The following PITRM1 variants were observed in gnomAD, a reference collection of about 807,000 sequenced individuals.
PITRM1 encodes the protein presequence protease, mitochondrial.
In PITRM1, 100 loss-of-function variants were observed where a neutral mutation model predicts 129.9. The ratio of observed to expected loss-of-function variants is 0.77; its 90% CI spans 0.65 to 0.91. The LOEUF is 0.91. PITRM1 is among the 40% of genes least tolerant of loss of function. The pLI is 0.00. For missense variants in PITRM1, 1,471 were observed against 1,318.3 expected, an observed-to-expected ratio of 1.12 and a Z score of -1.79; for synonymous variants, 591 against 508.8, an observed-to-expected ratio of 1.16 and a Z score of -2.17.
At chr10:3,142,548 G>GT (rs1840354201) in intron 23 of PITRM1, among the ~76,000 whole-genome samples, 1 of 152,274 alleles carries the variant, frequency 6.6e-6, no homozygotes. Flanking sequence ...GTGCACGTCT[G>GT]TGAGTCTGTC....
intron 14 of PITRM1, among the ~76,000 whole-genome samples, chr10:3,155,260 G>A (rs1399885991): frequency 6.6e-6 from 1 of 152,142 alleles, no homozygotes; most frequent in African/African-American, 2.4e-5. Flanking sequence ...GCTCTCAACT[G>A]TCCACTCTGC....
chr10:3,151,219 C>T (rs912481326), intron 15 of PITRM1, 28 bp downstream of exon 15: 5 of 1,270,522 alleles, frequency 3.9e-6, no homozygotes, highest in Non-Finnish European at 5.7e-6. Context: ...AACCCGAGAC[C>T]CGGGAAAAGC....
At chr10:3,150,329 G>T (rs1841384599) in intron 15 of PITRM1, among the ~76,000 whole-genome samples, 1 of 152,196 alleles carries the variant, frequency 6.6e-6, no homozygotes, top group South Asian at 2.1e-4. Context: ...AACACTTAAT[G>T]AGATTCACGG....
Position 3,160,248 on chromosome 10 carries a change from C to T in PITRM1, c.874G>A (p.Glu292Lys), listed in dbSNP as rs1842335720. Residue 292 changes from glutamate (E) to lysine (K), a missense_variant, in exon 8 of 27, where the codon GAA becomes AAA. Coordinates refer to ENST00000224949, the MANE Select transcript of PITRM1 (RefSeq NM_014889.4). ...EEALSKFQKI[E>K]PSTVVPAQTP... ...TGAGCTGGCACCACGGTGCTTGGTT[C>T]AATTTTCTGGAATTTGCTCAGTGCT... 1.2e-6 allele frequency: 2 copies of T among 1,613,798 alleles called. No individual in the cohort carries two copies. The highest frequency in any genetic ancestry group is 2.2e-5 in the South Asian group (2 of 91,052).
chr10:3,143,617 C>T lies in PITRM1; in HGVS notation c.2533-116G>A, dbSNP rs193119868. 1,064 of 745,036 alleles carry T rather than the reference C, an allele frequency of 1.4e-3. 4 individuals are homozygous for T. Among genetic ancestry groups the T allele is most frequent in the Non-Finnish European group, 9.9e-4 (404 of 409,560 alleles). 46.2% of individuals were successfully genotyped at this position (745,036 alleles called of 1,614,324 possible). Reference sequence around the variant, plus strand: ...GTGCTCCCACGCACTGCCCACGGCACTGGGACTGGAGCCATCTCAGGGGTC... The same window carrying T: ...GTGCTCCCACGCACTGCCCACGGCATTGGGACTGGAGCCATCTCAGGGGTC... On this transcript the variant is annotated intron_variant, in intron 22 of 26. Transcript: ENST00000224949.
intron 1 of PITRM1, chr10:3,172,116 C>G (rs981511502): frequency 2.9e-5 from 13 of 452,662 alleles, no homozygotes; most frequent in Admixed American, 2.9e-4. Flanking sequence ...GCGGTAAGGC[C>G]AGGCCGAACT....
chr10:3,152,373 GTCCCCGCAGACAGCAC>G (rs1841596502), intron 14 of PITRM1, among the ~76,000 whole-genome samples: 1 of 152,096 alleles, frequency 6.6e-6, no homozygotes, highest in South Asian at 2.1e-4. Context: ...CTTTAACTCA[GTCCCCGCAGACAGCAC>G]TCCTGGTGTC....
intron 7 of PITRM1, 44 bp from the exon 8 acceptor site, chr10:3,160,374 G>C: frequency 6.6e-7 from 1 of 1,504,676 alleles, no homozygotes; most frequent in Non-Finnish European, 9.2e-7. Context: ...TAGTTTAAAA[G>C]ATGTGAGATC....
chr10:3,142,257 C>A (rs1327714027), intron 23 of PITRM1, among the ~76,000 whole-genome samples: 2 of 152,150 alleles, frequency 1.3e-5, no homozygotes, highest in African/African-American at 4.8e-5. Flanking sequence ...TCTTTCTGGG[C>A]CCCCACTGCA....
At chr10:3,167,397 C>T (rs560843011) in intron 2 of PITRM1, among the ~76,000 whole-genome samples, 2 of 152,214 alleles carry the variant, frequency 1.3e-5, no homozygotes, top group East Asian at 3.9e-4. Context: ...ATTTTCTAAT[C>T]ATGTCACATA....
At position 3,143,525 on chromosome 10, in the gene PITRM1, G is replaced by T. The variant is rs1045954149; in HGVS notation, c.2533-24C>A. ...TCCTGAGGGACACGGTATGGTCAGA[G>T]GCGGCTGTGCTGCCATGCACCGCCC... On this transcript the variant is annotated intron_variant, in intron 22 of 26. Coordinates refer to ENST00000224949, the MANE Select transcript of PITRM1 (RefSeq NM_014889.4). 12 of 1,533,624 alleles carry T rather than the reference G, an allele frequency of 7.8e-6. No individual in the cohort carries two copies. The African/African-American group carries it at 1.4e-4, about 17-fold the overall frequency.
At chr10:3,159,767 T>C (rs1051627501) in intron 9 of PITRM1, 81 bp downstream of exon 9, 1 of 782,204 alleles carries the variant, frequency 1.3e-6, no homozygotes, top group African/African-American at 1.7e-5. Flanking sequence ...CATTCAATTG[T>C]AGAACTCACT....
rs750276160 is a variant in PITRM1 at position 3,148,232 on chromosome 10, C to T, written c.1931G>A (p.Gly644Glu). Reference sequence around the variant, plus strand: ...CACGTGGGGAGAAGCACTCATCCCTCCGGTCTTCAATTCTATCTGCTGAGC... The same window carrying T: ...CACGTGGGGAGAAGCACTCATCCCTTCGGTCTTCAATTCTATCTGCTGAGC... ...EQAQQIELKT[G>E]GMSASPHVLP... is the part of the protein sequence containing the mutation. The change falls in exon 17 of 27, where the codon GGA (glycine) becomes GAA (glutamate). Residue 644 changes from glycine (G) to glutamate (E), a missense_variant. Physicochemically the swap from Gly to Glu is moderately conservative, Grantham distance 98 (BLOSUM62 -2). Coordinates refer to ENST00000224949, the MANE Select transcript of PITRM1 (RefSeq NM_014889.4). 3 of 1,613,876 alleles carry T rather than the reference C, an allele frequency of 1.9e-6. No homozygotes were observed. The African/African-American group carries it at 4.0e-5, about 22-fold the overall frequency.
At chr10:3,140,546 A>G (rs1840081552) in intron 24 of PITRM1, 141 bp downstream of exon 24, 1 of 722,672 alleles carries the variant, frequency 1.4e-6, no homozygotes, top group Admixed American at 2.7e-5. Context: ...GGTGTGGCTA[A>G]GTGCCCAAGG....
At position 3,148,040 on chromosome 10, in the gene PITRM1, G is replaced by A. The variant is rs764169758; in HGVS notation, c.2016C>T (p.Cys672=). 7.4e-5 allele frequency: 119 copies of A among 1,613,540 alleles called. No homozygotes were observed. Among genetic ancestry groups the A allele is most frequent in the Non-Finnish European group, 1.0e-4 (118 of 1,179,600 alleles). The part of the protein sequence containing the change: ...YEQGVLFSSL[C]LDRNLPDMMQ... ...TCATGTCTGGCAGGTTTCGATCCAG[G>A]CAGAGAGAGGAGAAAAGCACACCCT... Residue 672 remains cysteine (C), a synonymous_variant, in exon 18 of 27, where the codon TGC becomes TGT. Transcript: ENST00000224949.
intron 14 of PITRM1, among the ~76,000 whole-genome samples, chr10:3,153,667 A>T (rs1300700204): frequency 6.6e-6 from 1 of 152,178 alleles, no homozygotes; most frequent in Non-Finnish European, 1.5e-5. Flanking sequence ...GTCTCTAAAC[A>T]AGAATTCAGA....
intron 14 of PITRM1, among the ~76,000 whole-genome samples, chr10:3,154,101 G>T (rs1841761764): frequency 6.6e-6 from 1 of 152,128 alleles, no homozygotes; most frequent in Non-Finnish European, 1.5e-5. Flanking sequence ...CTGCAGCTTT[G>T]CCACATCTAG....
In PITRM1 at chr10:3,158,920, T is replaced by A. The variant is rs753364959; in HGVS notation, c.1130A>T (p.Asp377Val). Residue 377 changes from aspartate to valine, a missense_variant, in exon 10 of 27, where the codon GAT (aspartate) becomes GTT (valine). By Grantham distance (152) the Asp-to-Val change is radical. Coordinates refer to ENST00000224949, the MANE Select transcript of PITRM1 (RefSeq NM_014889.4). Reference sequence around the variant, plus strand: ...AATCTAATCATAAACTCACCCAACATCAGGAGAAAAGTCTGTGCCAAGGCC... The same window carrying A: ...AATCTAATCATAAACTCACCCAACAACAGGAGAAAAGTCTGTGCCAAGGCC... Reference protein sequence around the residue: ...ESGLGTDFSPDVGYNGYTREA... With the variant: ...ESGLGTDFSPVVGYNGYTREA... 2.5e-6 allele frequency: 4 copies of A among 1,612,584 alleles called. No individual in the cohort carries two copies. Among genetic ancestry groups the A allele is most frequent in the Non-Finnish European group, 3.4e-6 (4 of 1,179,470 alleles).
chr10:3,140,622 A>G, intron 24 of PITRM1, 65 bp downstream of exon 24: 1 of 1,436,420 alleles, frequency 7.0e-7, no homozygotes, highest in Admixed American at 2.1e-5. Context: ...AATGACACTG[A>G]TAATCATGAG....
Sources: gnomAD v4.1 joint callset for allele counts (sites outside exome capture counted in the v4.1 genomes callset) on GRCh38, gnomAD v4.1.1 for gene constraint, MANE v1.5 for transcripts, NCBI Gene and HGNC (gene_info 2026-07-23, HGNC 2026-07-21) for gene names.